CCDC88A: variants seen among roughly 807,000 people sequenced by gnomAD.
CCDC88A encodes girdin.
In CCDC88A, 54 loss-of-function variants were observed where a neutral mutation model predicts 234.3. The observed-to-expected ratio is 0.23, with a 90% CI of 0.19 to 0.29. The LOEUF is 0.29. Ranked by LOEUF, CCDC88A falls within the 10% of genes least tolerant of loss-of-function variation. CCDC88A has a pLI of 1.00. For synonymous variants in CCDC88A, 753 were observed against 737.8 expected (o/e 1.02, Z -0.33); for missense variants, 1,832 against 2,123.4 (o/e 0.86, Z 2.70).
chr2:55,300,757 T>G (rs1680804812), intron 28 of CCDC88A: 1 of 154,094 alleles, frequency 6.5e-6, no homozygotes, highest in African/African-American at 2.4e-5. Flanking sequence ...GTGATCCGCA[T>G]GCCGTGGCCT....
rs1321720401 is a variant in CCDC88A, at chr2:55,308,795, G to A, written c.4387+14C>T. 3 of 1,596,720 alleles carry A rather than the reference G, an allele frequency of 1.9e-6. No individual in the cohort carries two copies. The highest frequency in any genetic ancestry group is 1.7e-5 in the Admixed American group (1 of 59,936). Reference sequence around the variant, plus strand: ...TCTAAATCAATACGATGTTTAAAGAGTTTAAGCACTCACTGCTGCTTTTCT... The same window carrying A: ...TCTAAATCAATACGATGTTTAAAGAATTTAAGCACTCACTGCTGCTTTTCT... On this transcript the variant is annotated intron_variant, in intron 25 of 32. Transcript: ENST00000436346.
intron 2 of CCDC88A, among the ~76,000 whole-genome samples, chr2:55,391,362 AT>A (rs113306976): frequency 0.51 from 76,802 of 151,954 alleles, 21,478 homozygotes; most frequent in Admixed American, 0.63. Context: ...ACACTCCAAA[AT>A]ATAATCATTA....
chr2:55,367,386 A>G (rs890722302), intron 5 of CCDC88A, among the ~76,000 whole-genome samples: 1 of 152,166 alleles, frequency 6.6e-6, no homozygotes, highest in Admixed American at 6.5e-5. Context: ...TATACTTAAA[A>G]AATTGTTAAA....
intron 5 of CCDC88A, among the ~76,000 whole-genome samples, chr2:55,370,117 T>A (rs1672599035): frequency 6.6e-6 from 1 of 152,192 alleles, no homozygotes; most frequent in Non-Finnish European, 1.5e-5. Context: ...TCTTAAGGGC[T>A]CTCAAGTAAA....
chr2:55,303,318 G>A (rs907596369), intron 25 of CCDC88A, among the ~76,000 whole-genome samples, 166 bp from the exon 26 acceptor site: 23 of 151,824 alleles, frequency 1.5e-4, no homozygotes, highest in Non-Finnish European at 2.9e-4. Flanking sequence ...GAGTGATAAT[G>A]AAATATGAAA....
intron 2 of CCDC88A, among the ~76,000 whole-genome samples, chr2:55,413,367 TC>T (rs1680819335): frequency 1.3e-5 from 2 of 152,210 alleles, no homozygotes; most frequent in South Asian, 4.2e-4. Flanking sequence ...GACTTATCTG[TC>T]CCTGCCTTAG....
intron 2 of CCDC88A, among the ~76,000 whole-genome samples, chr2:55,389,538 G>A (rs371614517): frequency 6.6e-6 from 1 of 152,024 alleles, no homozygotes; most frequent in Non-Finnish European, 1.5e-5. Flanking sequence ...GAATAGAAAC[G>A]CCTCATTCTT....
rs869311337 is a variant in CCDC88A at position 55,387,176 on chromosome 2, C to CAAAAAAAAAAAAAAAAAAAAAAAAAAA, written c.273+1601_273+1602insTTTTTTTTTTTTTTTTTTTTTTTTTTT. On this transcript the variant is annotated intron_variant, in intron 3 of 32. Coordinates refer to ENST00000436346, the MANE Select transcript of CCDC88A (RefSeq NM_001365480.1). ...AGGGCAACAGATTGAGATTCCATCTCAAAAAAAAAAAAAAAAAAAAAAAAG... is the reference window on the plus strand; with the variant it reads ...AGGGCAACAGATTGAGATTCCATCTCAAAAAAAAAAAAAAAAAAAAAAAAAAAAAAAAAAAAAAAAAAAAAAAAAAAG... 2.9e-5 allele frequency among the ~76,000 whole-genome samples: 2 copies of CAAAAAAAAAAAAAAAAAAAAAAAAAAA among 69,770 alleles called. 1 individual carries two copies. Among genetic ancestry groups the CAAAAAAAAAAAAAAAAAAAAAAAAAAA allele is most frequent in the Non-Finnish European group, 4.7e-5 (2 of 42,844 alleles). The allele number at this position is 69,770 out of a possible 152,430, so 45.8% of individuals were successfully genotyped here. A position where few individuals can be genotyped will look rare whatever the true frequency, so the allele number is the denominator to read the frequency against.
intron 2 of CCDC88A, among the ~76,000 whole-genome samples, chr2:55,415,389 GA>G (rs950260579): frequency 4.0e-5 from 6 of 151,792 alleles, no homozygotes; most frequent in African/African-American, 1.5e-4. Context: ...CAACTGGGGG[GA>G]AAAAAAGACA....
At chr2:55,387,887 T>C (rs1465410130) in intron 3 of CCDC88A, among the ~76,000 whole-genome samples, 1 of 152,096 alleles carries the variant, frequency 6.6e-6, no homozygotes, top group African/African-American at 2.4e-5. Context: ...ATTTTAAATT[T>C]ATTTGCACCT....
chr2:55,302,077 G>A lies in CCDC88A; in HGVS notation c.4472-5C>T. ...ACTGCACCAGGTCATTCATGGCTGG[G>A]ATGCAAATGAAAGCAAATGAATCAG... On this transcript the variant is annotated splice_polypyrimidine_tract_variant and splice_region_variant and intron_variant, in intron 26 of 32. Coordinates refer to ENST00000436346, the MANE Select transcript of CCDC88A (RefSeq NM_001365480.1). 6.2e-7 allele frequency: 1 copy of A among 1,610,194 alleles called. No homozygotes were observed. Among genetic ancestry groups the A allele is most frequent in the Non-Finnish European group, 8.5e-7 (1 of 1,176,550 alleles).
At position 55,397,664 on chromosome 2, in the gene CCDC88A, G is replaced by A. The variant is rs1677858225; in HGVS notation, c.165-8778C>T. On this transcript the variant is annotated intron_variant, in intron 2 of 32. Coordinates refer to ENST00000436346, the MANE Select transcript of CCDC88A (RefSeq NM_001365480.1). ...TTGTCCCTGACAGAGTTGTTGTCAAGTTTGTTTCCTTTAAAGTGATTTTTT... is the reference window on the plus strand; with the variant it reads ...TTGTCCCTGACAGAGTTGTTGTCAAATTTGTTTCCTTTAAAGTGATTTTTT... 2.6e-5 allele frequency among the ~76,000 whole-genome samples: 4 copies of A among 152,010 alleles called. No homozygotes were observed. In the South Asian group the frequency reaches 8.3e-4, roughly 32 times the overall value.
chr2:55,386,260 G>T (rs1675612583), intron 3 of CCDC88A, among the ~76,000 whole-genome samples: 1 of 151,082 alleles, frequency 6.6e-6, no homozygotes, highest in African/African-American at 2.4e-5. Flanking sequence ...AATTAAGTGT[G>T]CAAAGTACTG....
intron 19 of CCDC88A, among the ~76,000 whole-genome samples, chr2:55,318,392 A>G (rs1012372836): frequency 9.9e-5 from 15 of 151,634 alleles, no homozygotes; most frequent in African/African-American, 3.7e-4. Flanking sequence ...ACTTTTCCCC[A>G]CCTGATTGTT....
intron 2 of CCDC88A, among the ~76,000 whole-genome samples, chr2:55,389,626 G>A (rs1228053877): frequency 6.6e-6 from 1 of 152,082 alleles, no homozygotes; most frequent in African/African-American, 2.4e-5. Context: ...AGAATCTATG[G>A]TGCTTTATTT....
chr2:55,312,067 T>C (rs1485086158), intron 23 of CCDC88A, among the ~76,000 whole-genome samples: 1 of 152,218 alleles, frequency 6.6e-6, no homozygotes, highest in African/African-American at 2.4e-5. Flanking sequence ...CAAATTCCTA[T>C]CGAACCTATA....
intron 12 of CCDC88A, chr2:55,339,919 A>C: frequency 4.0e-6 from 1 of 247,418 alleles, no homozygotes; most frequent in Non-Finnish European, 7.6e-6. Flanking sequence ...GCAGCCTCAA[A>C]CGCCTGGTCT....
Position 55,343,018 on chromosome 2 carries a change from C to T in CCDC88A, c.1333+630G>A, listed in dbSNP as rs148949674. Among the ~76,000 whole-genome samples, 1,373 of 152,080 alleles carry T rather than the reference C, an allele frequency of 9.0e-3. 8 individuals are homozygous for T. The highest frequency in any genetic ancestry group is 0.014 in the Admixed American group (219 of 15,276). ...TATTAGCATATCCAAAGCTATAATCCAAACAATTGTACATAATCATGCCCA... is the reference window on the plus strand; with the variant it reads ...TATTAGCATATCCAAAGCTATAATCTAAACAATTGTACATAATCATGCCCA... On this transcript the variant is annotated intron_variant, in intron 12 of 32. Coordinates refer to ENST00000436346, the MANE Select transcript of CCDC88A (RefSeq NM_001365480.1).
At chr2:55,393,155 CATA>C (rs1295626055) in intron 2 of CCDC88A, among the ~76,000 whole-genome samples, 2 of 151,788 alleles carry the variant, frequency 1.3e-5, no homozygotes, top group Admixed American at 1.3e-4. Context: ...AGAACTCTTA[CATA>C]TTTAAGTTTT....
Sources: gnomAD v4.1 joint callset for allele counts (sites outside exome capture counted in the v4.1 genomes callset) on GRCh38, gnomAD v4.1.1 for gene constraint, MANE v1.5 for transcripts, NCBI Gene and HGNC (gene_info 2026-07-23, HGNC 2026-07-21) for gene names.